The following SLC16A1 variants were observed in gnomAD, a reference collection of about 807,000 sequenced individuals.
SLC16A1 encodes the protein monocarboxylate transporter 1.
Under a neutral mutation model 32.2 loss-of-function variants are expected in SLC16A1, and 11 were observed. That is an observed-to-expected ratio of 0.34 (90% confidence interval 0.21 to 0.56). The LOEUF (loss-of-function observed/expected upper bound fraction) is 0.56, where lower values mean the gene tolerates loss of function less well. Ranked by LOEUF, SLC16A1 falls within the 20% of genes least tolerant of loss-of-function variation. SLC16A1 has a pLI of 0.87. For missense variants in SLC16A1, 435 were observed against 615.0 expected (o/e 0.71, Z 3.10); for synonymous variants, 231 against 226.8 (o/e 1.02, Z -0.17).
At chr1:112,942,034 C>A (rs974873089) in intron 1 of SLC16A1, among the ~76,000 whole-genome samples, 1 of 152,014 alleles carries the variant, frequency 6.6e-6, no homozygotes, top group Non-Finnish European at 1.5e-5. Flanking sequence ...TACAATGGTG[C>A]GATCTTGGCT....
rs113648873 is a variant in SLC16A1, at chr1:112,928,252, T to C, written c.217+840A>G. On this transcript the variant is annotated intron_variant, in intron 2 of 4. Transcript: ENST00000369626. ...TTTAATTACAGGCTTAATGAAATTA[T>C]GATTTCAACTGCTTATTCCTGTTTC... 6.3e-3 allele frequency among the ~76,000 whole-genome samples: 962 copies of C among 152,374 alleles called. 9 individuals carry two copies. The highest frequency in any genetic ancestry group is 0.022 in the African/African-American group (914 of 41,594).
At chr1:112,928,939 A>C in intron 2 of SLC16A1, 153 bp downstream of exon 2, 3 of 641,604 alleles carry the variant, frequency 4.7e-6, no homozygotes, top group Non-Finnish European at 8.2e-6. Flanking sequence ...TGTTATCAGG[A>C]ATGAAAAATG....
intron 1 of SLC16A1, among the ~76,000 whole-genome samples, chr1:112,948,427 C>T (rs34749109): frequency 1.5e-3 from 221 of 152,176 alleles, no homozygotes; most frequent in Non-Finnish European, 2.7e-3. Context: ...TTAGACTATG[C>T]TGCCATTAAG....
intron 1 of SLC16A1, among the ~76,000 whole-genome samples, chr1:112,945,185 G>A (rs1011403088): frequency 1.3e-5 from 2 of 151,338 alleles, no homozygotes; most frequent in African/African-American, 4.9e-5. Context: ...TTTTAGTAAG[G>A]GTAGGGTTTC....
At chr1:112,915,695 T>C (rs559639974) in intron 4 of SLC16A1, among the ~76,000 whole-genome samples, 1 of 151,962 alleles carries the variant, frequency 6.6e-6, no homozygotes, top group Non-Finnish European at 1.5e-5. Flanking sequence ...GTAGTTGTGA[T>C]GGAGAAAAAT....
intron 1 of SLC16A1, among the ~76,000 whole-genome samples, chr1:112,952,304 T>C (rs1331951189): frequency 1.3e-5 from 2 of 152,196 alleles, no homozygotes; most frequent in Admixed American, 1.3e-4. Flanking sequence ...TCAATTGCCA[T>C]TGAAAGTAAT....
At chr1:112,927,883 C>T (rs1648995431) in intron 2 of SLC16A1, among the ~76,000 whole-genome samples, 1 of 152,176 alleles carries the variant, frequency 6.6e-6, no homozygotes, top group Admixed American at 6.6e-5. Flanking sequence ...TAAGAAGACA[C>T]TGAACACCTG....
At chr1:112,922,274 A>G (rs1392033739) in intron 2 of SLC16A1, 141 bp from the exon 3 acceptor site, 1 of 765,632 alleles carries the variant, frequency 1.3e-6, no homozygotes, top group African/African-American at 1.7e-5. Context: ...ATTACTTCTG[A>G]GTCACATGTG....
chr1:112,920,122 A>C (rs920144704), intron 3 of SLC16A1, among the ~76,000 whole-genome samples: 6 of 152,236 alleles, frequency 3.9e-5, no homozygotes, highest in Non-Finnish European at 7.3e-5. Context: ...ATGTGGGAAC[A>C]AATAGAGTTA....
chr1:112,947,407 A>G (rs1168617736), intron 1 of SLC16A1, among the ~76,000 whole-genome samples: 1 of 152,226 alleles, frequency 6.6e-6, no homozygotes, highest in Non-Finnish European at 1.5e-5. Context: ...AATCTACTTC[A>G]CTTCCACTAT....
intron 2 of SLC16A1, among the ~76,000 whole-genome samples, chr1:112,926,466 C>G (rs1648945041): frequency 6.6e-6 from 1 of 152,106 alleles, no homozygotes; most frequent in Non-Finnish European, 1.5e-5. Flanking sequence ...ACCTGCAGTC[C>G]CAGCTACTCA....
At chr1:112,915,525 G>C (rs1648471452) in intron 4 of SLC16A1, among the ~76,000 whole-genome samples, 1 of 152,172 alleles carries the variant, frequency 6.6e-6, no homozygotes, top group African/African-American at 2.4e-5. Context: ...CACCCTGAAA[G>C]TAATGGGAAG....
intron 1 of SLC16A1, among the ~76,000 whole-genome samples, chr1:112,932,076 T>C (rs1649149739): frequency 1.3e-5 from 2 of 152,272 alleles, no homozygotes; most frequent in South Asian, 2.1e-4. Context: ...TCAAATACAA[T>C]TTAGGACACT....
intron 1 of SLC16A1, among the ~76,000 whole-genome samples, chr1:112,937,262 A>G (rs1284628959): frequency 6.6e-6 from 1 of 152,202 alleles, no homozygotes; most frequent in Non-Finnish European, 1.5e-5. Flanking sequence ...GCCAGCTATG[A>G]TTTGTCCCAA....
At chr1:112,941,616 T>G (rs1356376878) in intron 1 of SLC16A1, among the ~76,000 whole-genome samples, 1 of 152,122 alleles carries the variant, frequency 6.6e-6, no homozygotes, top group Non-Finnish European at 1.5e-5. Flanking sequence ...ACCATACGTA[T>G]TCTTGGAGAG....
chr1:112,953,393 C>G (rs1306829491), intron 1 of SLC16A1, among the ~76,000 whole-genome samples: 1 of 152,150 alleles, frequency 6.6e-6, no homozygotes. Flanking sequence ...GAACTCCTGA[C>G]CTCAAGTGAT....
At chr1:112,922,312 A>G in intron 2 of SLC16A1, 179 bp from the exon 3 acceptor site, 1 of 640,300 alleles carries the variant, frequency 1.6e-6, no homozygotes, top group Non-Finnish European at 2.7e-6. Context: ...TAGAAAACAT[A>G]ATTAATTGTG....
rs139500986 is a variant in SLC16A1 at position 112,922,603 on chromosome 1, G to A, written c.218-470C>T. 1.4e-4 allele frequency among the ~76,000 whole-genome samples: 22 copies of A among 151,934 alleles called. No individual in the cohort carries two copies. The East Asian group carries it at 3.3e-3, about 23-fold the overall frequency. On this transcript the variant is annotated intron_variant, in intron 2 of 4. Coordinates refer to ENST00000369626, the MANE Select transcript of SLC16A1 (RefSeq NM_003051.4). ...AGCCTGGCCAACATGGCGAAACCCC[G>A]TCTCGACTAAAAATACAAAAATTAG...
intron 1 of SLC16A1, among the ~76,000 whole-genome samples, chr1:112,940,182 C>G (rs967722238): frequency 1.3e-5 from 2 of 151,676 alleles, no homozygotes; most frequent in Non-Finnish European, 2.9e-5. Context: ...AGATTACAGG[C>G]ATGAGACACC....
Sources: gnomAD v4.1 joint callset for allele counts (sites outside exome capture counted in the v4.1 genomes callset) on GRCh38, gnomAD v4.1.1 for gene constraint, MANE v1.5 for transcripts, NCBI Gene and HGNC (gene_info 2026-07-23, HGNC 2026-07-21) for gene names.